IAH1: variants seen among roughly 807,000 people sequenced by gnomAD.
IAH1 encodes the protein isoamyl acetate hydrolyzing esterase 1 (putative).
IAH1 carries 24 observed loss-of-function variants against 26.7 expected under a neutral mutation model. The observed-to-expected ratio is 0.90, with a 90% CI of 0.65 to 1.26. IAH1 has a LOEUF of 1.26. IAH1 is among the 50% of genes most tolerant of loss of function. The pLI is 0.00. For synonymous variants in IAH1, 140 were observed against 118.5 expected (o/e 1.18, Z -1.18); for missense variants, 300 against 299.9 (o/e 1.00, Z 0.00).
rs1572862329 is a variant in IAH1, at chr2:9,488,568, A to G, written c.*239A>G. ...CCTGAGCAGCTTGTTAATTCTATAA[A>G]TGACAAAGACTATGTTTTTAAAAAG... is the stretch of plus-strand genomic sequence containing the variant. On this transcript the variant is annotated 3_prime_UTR_variant, in exon 6 of 6. Coordinates refer to ENST00000497473, the MANE Select transcript of IAH1 (RefSeq NM_001039613.3). 2.9e-6 allele frequency: 1 copy of G among 343,974 alleles called. No homozygotes were observed. The highest frequency in any genetic ancestry group is 4.6e-5 in the East Asian group (1 of 21,904). 21.3% of individuals were successfully genotyped at this position (343,974 alleles called of 1,614,324 possible). A position where few individuals can be genotyped will look rare whatever the true frequency, so the allele number is the denominator to read the frequency against.
intron 5 of IAH1, chr2:9,485,280 C>T (rs932812625): frequency 6.6e-6 from 1 of 152,250 alleles, no homozygotes; most frequent in African/African-American, 2.4e-5. Flanking sequence ...GGGTGACTCT[C>T]GAGGCGCTTC....
downstream of IAH1, among the ~76,000 whole-genome samples, chr2:9,499,522 C>G (rs1315613842): frequency 6.6e-6 from 1 of 152,234 alleles, no homozygotes; most frequent in Non-Finnish European, 1.5e-5. Context: ...CTGCCTCAGC[C>G]TCCCAAGTAG....
chr2:9,496,151 T>TG (rs1433739815), intron 6 of IAH1, among the ~76,000 whole-genome samples: 1 of 152,122 alleles, frequency 6.6e-6, no homozygotes, highest in Admixed American at 6.6e-5. Flanking sequence ...TTATTTGAAA[T>TG]GGAGTCTCGC....
downstream of IAH1, chr2:9,492,931 A>G (rs1662278523): frequency 6.2e-7 from 1 of 1,613,186 alleles, no homozygotes; most frequent in Non-Finnish European, 8.5e-7. Flanking sequence ...AAGGAATCCA[A>G]AATATCAAGG....
chr2:9,496,843 A>G (rs571132180), downstream of IAH1, among the ~76,000 whole-genome samples: 138 of 152,152 alleles, frequency 9.1e-4, no homozygotes, highest in Non-Finnish European at 1.7e-3. Flanking sequence ...CTCACCCCCA[A>G]CAAAATTCCC....
At chr2:9,494,297 CACACCCTGA>C (rs1392167061), downstream of IAH1, among the ~76,000 whole-genome samples, 3 of 152,188 alleles carry the variant, frequency 2.0e-5, no homozygotes, top group African/African-American at 7.2e-5. Context: ...GTTTCAAAAT[CACACCCTGA>C]ATAATTTTGC....
chr2:9,498,000 C>T (rs922866499), downstream of IAH1, among the ~76,000 whole-genome samples: 6 of 152,132 alleles, frequency 3.9e-5, no homozygotes, highest in South Asian at 2.1e-4. Context: ...TATAGGTATA[C>T]TACAAATATT....
chr2:9,488,216 C>T lies in IAH1; in HGVS notation c.634C>T (p.Leu212Phe). The stretch of plus-strand genomic sequence containing the variant: ...GGGGAATGAATTTTTGTTCTCGCAT[C>T]TCTGGCCTTTGATAGAGAAAAAGGT... The part of the protein sequence containing the change: ...PKGNEFLFSH[L>F]WPLIEKKVSS... The change falls in exon 6 of 6, where the codon CTC becomes TTC. Residue 212 changes from leucine to phenylalanine, a missense_variant. Physicochemically the swap from Leu to Phe is conservative, Grantham distance 22. Transcript: ENST00000497473. 2 of 1,613,610 alleles carry T rather than the reference C, an allele frequency of 1.2e-6. No homozygotes were observed. Among genetic ancestry groups the T allele is most frequent in the South Asian group, 1.1e-5 (1 of 91,010 alleles).
chr2:9,474,717 C>A lies in IAH1; in HGVS notation c.81+70C>A. Reference sequence around the variant, plus strand: ...GGGGTCGCTGCCGAGCAGGCCGAGGCTCCTCGCCGTCCTCTTCGGCGCCCG... The same window carrying A: ...GGGGTCGCTGCCGAGCAGGCCGAGGATCCTCGCCGTCCTCTTCGGCGCCCG... On this transcript the variant is annotated intron_variant, in intron 1 of 5. Transcript: ENST00000497473. This position sits in a 1 kb window ranked among gnomAD's most constrained non-coding sequence, Gnocchi z 4.3. The A allele has an allele frequency of 8.1e-7, 1 of 1,231,554 alleles. No individual in the cohort carries two copies. The highest frequency in any genetic ancestry group is 1.1e-6 in the Non-Finnish European group (1 of 899,858). The allele number at this position is 1,231,554 out of a possible 1,614,324, so 76.3% of individuals were successfully genotyped here.
downstream of IAH1, chr2:9,489,814 T>TA (rs5829218): frequency 0.51 from 79,626 of 156,120 alleles, 21,185 homozygotes; most frequent in Middle Eastern, 0.64. Context: ...TTACAGTGTA[T>TA]AAAAAAAAAC....
chr2:9,490,740 A>G (rs1662064469), downstream of IAH1, among the ~76,000 whole-genome samples: 1 of 152,236 alleles, frequency 6.6e-6, no homozygotes, highest in African/African-American at 2.4e-5. Context: ...AGTAATTACT[A>G]GCTTTCAAGC....
chr2:9,484,582 A>C, intron 5 of IAH1, 32 bp downstream of exon 5: 1 of 1,432,306 alleles, frequency 7.0e-7, no homozygotes, highest in Non-Finnish European at 9.9e-7. Flanking sequence ...TCTCGGGGTA[A>C]ATAGGATCAC....
chr2:9,505,432 G>T, the IAH1 span: 3 of 1,488,106 alleles, frequency 2.0e-6, no homozygotes, highest in South Asian at 3.4e-5. Context: ...TGCAATGTTT[G>T]TGTCTTCTCT....
At chr2:9,507,802 C>T in the IAH1 span, among the ~76,000 whole-genome samples, 33 of 152,214 alleles carry the variant, frequency 2.2e-4, no homozygotes, top group East Asian at 5.6e-3. Context: ...TCACTGCCGC[C>T]TTGAACTCCC....
At chr2:9,506,854 A>G in the IAH1 span, 1 of 152,168 alleles carries the variant, frequency 6.6e-6, no homozygotes, top group Non-Finnish European at 1.5e-5. Context: ...TCAGAGTTAC[A>G]ACTCCCAAGC....
At chr2:9,494,624 C>A (rs1344174752), downstream of IAH1, 17 of 1,612,838 alleles carry the variant, frequency 1.1e-5, no homozygotes, top group Admixed American at 1.7e-5. Flanking sequence ...AAAAGCTGTA[C>A]ATAAATACTC....
At chr2:9,486,139 A>T (rs568254279) in intron 5 of IAH1, 5 of 152,340 alleles carry the variant, frequency 3.3e-5, no homozygotes, top group African/African-American at 1.2e-4. Flanking sequence ...TCCATCTGTA[A>T]TAGGGAAAAT....
At chr2:9,492,794 C>T, downstream of IAH1, 1 of 959,840 alleles carries the variant, frequency 1.0e-6, no homozygotes, top group Non-Finnish European at 1.5e-6. Flanking sequence ...AAATATCAGG[C>T]CAAACTTTGC....
At chr2:9,503,126 C>A in the IAH1 span, among the ~76,000 whole-genome samples, 2 of 128,222 alleles carry the variant, frequency 1.6e-5, no homozygotes, top group Non-Finnish European at 3.1e-5. Flanking sequence ...GTCAACAGGG[C>A]GAGACTCTCT....
Sources: gnomAD v4.1 joint callset for allele counts (sites outside exome capture counted in the v4.1 genomes callset) on GRCh38, gnomAD v4.1.1 for gene constraint, Gnocchi (gnomAD v3.1) non-coding constraint, MANE v1.5 for transcripts, NCBI Gene and HGNC (gene_info 2026-07-23, HGNC 2026-07-21) for gene names.